Variants in FERMT3 observed in about 807,000 individuals in gnomAD.
FERMT3 encodes the protein FERM domain containing kindlin 3.
In FERMT3, 33 loss-of-function variants were observed where a neutral mutation model predicts 80.8. The observed-to-expected ratio is 0.41, with a 90% CI of 0.31 to 0.55. The LOEUF (loss-of-function observed/expected upper bound fraction) is 0.55, where lower values mean the gene tolerates loss of function less well. Ranked by LOEUF, FERMT3 falls within the 20% of genes least tolerant of loss-of-function variation. The probability of loss-of-function intolerance (pLI) is 0.31; values close to 1 mark genes in which losing one functional copy is unlikely to be tolerated. For missense variants in FERMT3, 754 were observed against 908.7 expected, an observed-to-expected ratio of 0.83 and a Z score of 2.19; for synonymous variants, 375 against 372.2, an observed-to-expected ratio of 1.01 and a Z score of -0.09.
chr11:64,223,621 C>T lies in FERMT3; in HGVS notation c.*129C>T, dbSNP rs374842788. 2.4e-4 allele frequency: 286 copies of T among 1,178,050 alleles called. 1 individual carries two copies. The African/African-American group carries it at 3.9e-3, about 16-fold the overall frequency. The allele number at this position is 1,178,050 out of a possible 1,614,324, so 73.0% of individuals were successfully genotyped here. On this transcript the variant is annotated 3_prime_UTR_variant, in exon 15 of 15. Coordinates refer to ENST00000345728, the MANE Select transcript of FERMT3 (RefSeq NM_031471.6). Reference sequence around the variant, plus strand: ...CAGCTGGGCATTTCACCTGCTGTCACTGACTTTGTGCAGGCCAAGGACCTG... The same window carrying T: ...CAGCTGGGCATTTCACCTGCTGTCATTGACTTTGTGCAGGCCAAGGACCTG...
Position 64,223,636 on chromosome 11 carries a change from C to A in FERMT3, c.*144C>A. The A allele has an allele frequency of 9.3e-7, 1 of 1,071,598 alleles. No individual in the cohort carries two copies. Among genetic ancestry groups the A allele is most frequent in the Middle Eastern group, 2.9e-4 (1 of 3,402 alleles). 66.4% of individuals were successfully genotyped at this position (1,071,598 alleles called of 1,614,324 possible). A position where few individuals can be genotyped will look rare whatever the true frequency, so the allele number is the denominator to read the frequency against. On this transcript the variant is annotated 3_prime_UTR_variant, in exon 15 of 15. Coordinates refer to ENST00000345728, the MANE Select transcript of FERMT3 (RefSeq NM_031471.6). ...CCTGCTGTCACTGACTTTGTGCAGG[C>A]CAAGGACCTGGCAGGGCCAGACGCT... is the stretch of plus-strand genomic sequence containing the variant.
At chr11:64,209,460 G>A (rs1946389556) in intron 2 of FERMT3, among the ~76,000 whole-genome samples, 1 of 152,178 alleles carries the variant, frequency 6.6e-6, no homozygotes, top group Admixed American at 6.5e-5. Flanking sequence ...GCCGAGGCAG[G>A]AGAAGAGGGT....
intron 13 of FERMT3, among the ~76,000 whole-genome samples, chr11:64,221,861 A>AG (rs1350955073): frequency 6.6e-6 from 1 of 152,104 alleles, no homozygotes; most frequent in Admixed American, 6.6e-5. Flanking sequence ...CAGGAGGCAG[A>AG]GGTTGCAGTG....
In FERMT3 at chr11:64,219,711, G is replaced by T. The variant is rs913856397; in HGVS notation, c.1030-29G>T. ...GGCAGGGAGAACTGTGAGGTACCGG[G>T]TGCCCCTCTGACTCTGGTCCTCCCA... On this transcript the variant is annotated intron_variant, in intron 8 of 14. Coordinates refer to ENST00000345728, the MANE Select transcript of FERMT3 (RefSeq NM_031471.6). The surrounding 1 kb of genome is among the most constrained non-coding windows in gnomAD (Gnocchi z 4.0). The T allele has an allele frequency of 6.2e-7, 1 of 1,613,704 alleles. No homozygotes were observed.
At chr11:64,208,794 G>A (rs369313667) in intron 2 of FERMT3, among the ~76,000 whole-genome samples, 67 of 152,326 alleles carry the variant, frequency 4.4e-4, no homozygotes, top group South Asian at 3.1e-3. Context: ...TGCTGGGAGC[G>A]TGACCAGAAA....
rs764827777 is a variant in FERMT3 at position 64,223,518 on chromosome 11, C to T, written c.*26C>T. On this transcript the variant is annotated 3_prime_UTR_variant, in exon 15 of 15. Coordinates refer to ENST00000345728, the MANE Select transcript of FERMT3 (RefSeq NM_031471.6). Reference sequence around the variant, plus strand: ...GGGCTGTCTGATTGCCCCTGCCCTGCTCACCACCCTGTCACAGCCACTCCC... The same window carrying T: ...GGGCTGTCTGATTGCCCCTGCCCTGTTCACCACCCTGTCACAGCCACTCCC... 1.3e-6 allele frequency: 2 copies of T among 1,545,248 alleles called. No individual in the cohort carries two copies. Among genetic ancestry groups the T allele is most frequent in the Non-Finnish European group, 1.7e-6 (2 of 1,161,418 alleles).
chr11:64,215,262 A>T (rs939650186), intron 6 of FERMT3, among the ~76,000 whole-genome samples: 1 of 152,190 alleles, frequency 6.6e-6, no homozygotes, highest in Non-Finnish European at 1.5e-5. Context: ...TCTGCTTTCC[A>T]TGTGGCTTTA....
Position 64,219,371 on chromosome 11 carries a change from C to T in FERMT3, c.894+13C>T, listed in dbSNP as rs954540776. 1 of 1,582,486 alleles carries T rather than the reference C, an allele frequency of 6.3e-7. No individual in the cohort carries two copies. Among genetic ancestry groups the T allele is most frequent in the Non-Finnish European group, 8.6e-7 (1 of 1,165,008 alleles). ...TGCCGCCCTGCAGGTACCAGGCGGG[C>T]CTGGGGGCACCAGGGCAGGTGGGAG... On this transcript the variant is annotated intron_variant, in intron 7 of 14. Transcript: ENST00000345728. This position sits in a 1 kb window ranked among gnomAD's most constrained non-coding sequence, Gnocchi z 4.0.
chr11:64,217,082 G>A (rs1451778057), intron 6 of FERMT3, among the ~76,000 whole-genome samples: 1 of 152,136 alleles, frequency 6.6e-6, no homozygotes, highest in Non-Finnish European at 1.5e-5. Flanking sequence ...TGGCCCCCTG[G>A]AGGCGATGGG....
chr11:64,221,083 G>A lies in FERMT3; in HGVS notation c.1613G>A (p.Arg538His), dbSNP rs1205153436. The part of the protein sequence containing the change: ...AQLSLAEAQL[R>H]FIQAWQSLPD... ...TTGTCGCTGGCAGAGGCCCAGCTGCGCTTCATCCAGGCCTGGCAGTCCCTG... is the reference window on the plus strand; with the variant it reads ...TTGTCGCTGGCAGAGGCCCAGCTGCACTTCATCCAGGCCTGGCAGTCCCTG... The change falls in exon 13 of 15, where the codon CGC (arginine) becomes CAC (histidine). Residue 538 changes from arginine (R) to histidine (H), a missense_variant. Arg to His is a conservative substitution (Grantham distance 29). Coordinates refer to ENST00000345728, the MANE Select transcript of FERMT3 (RefSeq NM_031471.6). 7 of 1,612,254 alleles carry A rather than the reference G, an allele frequency of 4.3e-6. No individual in the cohort carries two copies. The highest frequency in any genetic ancestry group is 1.7e-5 in the Admixed American group (1 of 60,028).
At chr11:64,216,390 G>A (rs567561286) in intron 6 of FERMT3, among the ~76,000 whole-genome samples, 9 of 148,066 alleles carry the variant, frequency 6.1e-5, no homozygotes, top group African/African-American at 9.9e-5. Flanking sequence ...TAGTAGAGAC[G>A]GGGTTTCACC....
intron 6 of FERMT3, among the ~76,000 whole-genome samples, chr11:64,217,219 G>A (rs1372863470): frequency 6.6e-6 from 1 of 152,200 alleles, no homozygotes; most frequent in Non-Finnish European, 1.5e-5. Flanking sequence ...GGGAAAGGGT[G>A]TGGGTGTGTC....
chr11:64,212,135 G>A (rs1423782203), intron 6 of FERMT3, among the ~76,000 whole-genome samples: 1 of 152,182 alleles, frequency 6.6e-6, no homozygotes, highest in African/African-American at 2.4e-5. Flanking sequence ...CCTGGAGGGG[G>A]CACCATTAGG....
Position 64,210,845 on chromosome 11 carries a change from G to C in FERMT3, c.394+1G>C. 1 of 1,611,496 alleles carries C rather than the reference G, an allele frequency of 6.2e-7. No homozygotes were observed. Among genetic ancestry groups the C allele is most frequent in the East Asian group, 2.2e-5 (1 of 44,874 alleles). On this transcript the variant is annotated splice_donor_variant, in intron 3 of 14. Coordinates refer to ENST00000345728, the MANE Select transcript of FERMT3 (RefSeq NM_031471.6). LOFTEE classifies it high-confidence loss of function. The surrounding 1 kb of genome is among the most constrained non-coding windows in gnomAD (Gnocchi z 4.3). ...GTGGCTGCCATCTGCCGCCTCCTCAGTAAGTTGCCCGGCTGATTCCCCTGG... is the reference window on the plus strand; with the variant it reads ...GTGGCTGCCATCTGCCGCCTCCTCACTAAGTTGCCCGGCTGATTCCCCTGG...
At chr11:64,209,578 C>T (rs377366323) in intron 2 of FERMT3, among the ~76,000 whole-genome samples, 35 of 152,232 alleles carry the variant, frequency 2.3e-4, no homozygotes, top group East Asian at 7.7e-4. Flanking sequence ...CAAGGGGATG[C>T]GGCGGCACAC....
Position 64,223,816 on chromosome 11 carries a change from T to G in FERMT3, c.*324T>G. The stretch of plus-strand genomic sequence containing the variant: ...GATGTAGCTACAGGATGATGAAACA[T>G]GGTTTCAAACGAGTTCTTTCTTGTT... On this transcript the variant is annotated 3_prime_UTR_variant, in exon 15 of 15. Transcript: ENST00000345728. 1 of 1,194,018 alleles carries G rather than the reference T, an allele frequency of 8.4e-7. No homozygotes were observed. Among genetic ancestry groups the G allele is most frequent in the Non-Finnish European group, 1.2e-6 (1 of 843,260 alleles). 74.0% of individuals were successfully genotyped at this position (1,194,018 alleles called of 1,614,324 possible).
chr11:64,222,929 A>C, intron 13 of FERMT3, 119 bp from the exon 14 acceptor site: 1 of 1,397,694 alleles, frequency 7.2e-7, no homozygotes, highest in Non-Finnish European at 1.0e-6. Flanking sequence ...GCTCAGGGTT[A>C]CACAGCTGGT....
chr11:64,220,056 C>G (rs569695604), intron 10 of FERMT3, 41 bp downstream of exon 10: 3 of 1,610,934 alleles, frequency 1.9e-6, no homozygotes, highest in Non-Finnish European at 2.5e-6. Flanking sequence ...GGGATCCCCA[C>G]TTGTGGGCTA....
Position 64,221,117 on chromosome 11 carries a change from C to T in FERMT3, c.1647C>T (p.Phe549=), listed in dbSNP as rs370038112. The change falls in exon 13 of 15, where the codon TTC becomes TTT. Residue 549 remains phenylalanine, a synonymous_variant. Coordinates refer to ENST00000345728, the MANE Select transcript of FERMT3 (RefSeq NM_031471.6). ...AGGCCTGGCAGTCCCTGCCCGACTT[C>T]GGCATCTCCTATGTCATGGTCAGGT... ...FIQAWQSLPD[F]GISYVMVRFK... 32 of 1,610,412 alleles carry T rather than the reference C, an allele frequency of 2.0e-5. No homozygotes were observed. In the African/African-American group the frequency reaches 3.2e-4, roughly 16 times the overall value.
Sources: allele counts gnomAD v4.1 joint callset (sites outside exome capture counted in the v4.1 genomes callset), GRCh38; gene constraint gnomAD v4.1.1; non-coding constraint Gnocchi (gnomAD v3.1); transcripts MANE v1.5; gene names NCBI Gene and HGNC (gene_info 2026-07-23, HGNC 2026-07-21).